The following HCRTR2 variants were observed in gnomAD, a reference collection of about 807,000 sequenced individuals.
The protein encoded by HCRTR2 is orexin receptor type 2.
Under a neutral mutation model 49.0 loss-of-function variants are expected in HCRTR2, and 22 were observed. The ratio of observed to expected loss-of-function variants is 0.45; its 90% confidence interval spans 0.32 to 0.64. The LOEUF is 0.64. Ranked by LOEUF, HCRTR2 falls within the 30% of genes least tolerant of loss-of-function variation. HCRTR2 has a pLI of 0.04. For synonymous variants in HCRTR2, 236 were observed against 205.3 expected (o/e 1.15, Z -1.28); for missense variants, 491 against 559.4 (o/e 0.88, Z 1.23).
chr6:55,220,176 C>G (rs973049432), intron 1 of HCRTR2, among the ~76,000 whole-genome samples: 8 of 152,106 alleles, frequency 5.3e-5, no homozygotes, highest in African/African-American at 1.9e-4. Flanking sequence ...GAGGACGAAG[C>G]ATTTCAAACT....
chr6:55,211,987 A>G (rs868785251), intron 1 of HCRTR2, among the ~76,000 whole-genome samples: 4 of 152,138 alleles, frequency 2.6e-5, no homozygotes, highest in African/African-American at 7.2e-5. Context: ...GGCTTCTCTA[A>G]AAGTGGGCTT....
intron 1 of HCRTR2, among the ~76,000 whole-genome samples, chr6:55,236,217 T>A (rs1028622191): frequency 3.9e-5 from 6 of 151,988 alleles, no homozygotes; most frequent in Admixed American, 3.9e-4. Context: ...TTTCTCATTA[T>A]TTTTTTCCTA....
chr6:55,279,494 G>A (rs1767145634), intron 5 of HCRTR2, among the ~76,000 whole-genome samples: 1 of 142,156 alleles, frequency 7.0e-6, no homozygotes, highest in African/African-American at 2.6e-5. Flanking sequence ...TACCAGAAAT[G>A]CATTGTTGTC....
At chr6:55,243,100 C>A (rs1462313947) in intron 1 of HCRTR2, among the ~76,000 whole-genome samples, 1 of 152,050 alleles carries the variant, frequency 6.6e-6, no homozygotes, top group Non-Finnish European at 1.5e-5. Flanking sequence ...ACCGGTAAGA[C>A]AAATGACAGT....
rs1325605763 is a variant in HCRTR2 at position 55,229,797 on chromosome 6, G to T, written c.224-18842G>T. Among the ~76,000 whole-genome samples, 2 of 152,108 alleles carry T rather than the reference G, an allele frequency of 1.3e-5. 1 individual carries two copies. Among genetic ancestry groups the T allele is most frequent in the Non-Finnish European group, 2.9e-5 (2 of 68,022 alleles). On this transcript the variant is annotated intron_variant, in intron 1 of 6. Transcript: ENST00000370862. ...GTTTGAATTATGAAAAAATGAATAG[G>T]TTCTAGAGATCTGCTGTACAACATT...
intron 4 of HCRTR2, among the ~76,000 whole-genome samples, chr6:55,267,565 T>G (rs1429522396): frequency 6.6e-6 from 1 of 152,164 alleles, no homozygotes; most frequent in Non-Finnish European, 1.5e-5. Flanking sequence ...CAACACTAAA[T>G]CTTAATCGTC....
At chr6:55,108,831 G>T (rs1016339555) in intron 1 of HCRTR2, among the ~76,000 whole-genome samples, 12 of 152,216 alleles carry the variant, frequency 7.9e-5, no homozygotes, top group Non-Finnish European at 4.4e-5. Flanking sequence ...GGGGGGTTGG[G>T]GTGAAGGGAG....
At chr6:55,143,026 C>G (rs1394545731) in intron 1 of HCRTR2, among the ~76,000 whole-genome samples, 1 of 150,204 alleles carries the variant, frequency 6.7e-6, no homozygotes, top group Admixed American at 6.6e-5. Flanking sequence ...ACAGATAGAA[C>G]AGCCTGAATA....
intron 1 of HCRTR2, among the ~76,000 whole-genome samples, chr6:55,200,389 T>C (rs1208224394): frequency 1.3e-5 from 2 of 151,992 alleles, no homozygotes; most frequent in Admixed American, 6.6e-5. Context: ...CTCAGCCTCC[T>C]GAGCAACTGG....
At chr6:55,268,001 T>G (rs981351952) in intron 4 of HCRTR2, among the ~76,000 whole-genome samples, 1 of 152,146 alleles carries the variant, frequency 6.6e-6, no homozygotes, top group African/African-American at 2.4e-5. Context: ...CATAAAATAA[T>G]AGCTATAAAA....
At chr6:55,238,533 A>C (rs1205021926) in intron 1 of HCRTR2, among the ~76,000 whole-genome samples, 1 of 152,144 alleles carries the variant, frequency 6.6e-6, no homozygotes, top group Non-Finnish European at 1.5e-5. Context: ...GACAATATCC[A>C]AATGTTTTAA....
chr6:55,175,671 G>A (rs76665517), intron 1 of HCRTR2, among the ~76,000 whole-genome samples: 1 of 151,906 alleles, frequency 6.6e-6, no homozygotes. Flanking sequence ...GGGTTTCCTC[G>A]ACCCCTCATC....
chr6:55,260,630 G>A (rs1287032309), intron 3 of HCRTR2, among the ~76,000 whole-genome samples: 2 of 152,180 alleles, frequency 1.3e-5, no homozygotes, highest in African/African-American at 4.8e-5. Context: ...GACTGCAGCG[G>A]ATAAAGACAT....
At chr6:55,233,941 A>AT (rs951195509) in intron 1 of HCRTR2, among the ~76,000 whole-genome samples, 14 of 152,268 alleles carry the variant, frequency 9.2e-5, no homozygotes, top group African/African-American at 3.4e-4. Context: ...AGAGACCTGG[A>AT]TTTTTTATCT....
At chr6:55,156,206 A>C (rs1040489303) in intron 1 of HCRTR2, among the ~76,000 whole-genome samples, 2 of 151,904 alleles carry the variant, frequency 1.3e-5, no homozygotes, top group Non-Finnish European at 2.9e-5. Flanking sequence ...AGATGCTGCA[A>C]TGGAGACCAA....
chr6:55,208,572 A>G (rs919890180), intron 1 of HCRTR2, among the ~76,000 whole-genome samples: 1 of 151,996 alleles, frequency 6.6e-6, no homozygotes, highest in Non-Finnish European at 1.5e-5. Context: ...CTGCAAGATT[A>G]TGTCTTTTGA....
chr6:55,233,673 C>A (rs1470887727), intron 1 of HCRTR2, among the ~76,000 whole-genome samples: 1 of 151,756 alleles, frequency 6.6e-6, no homozygotes, highest in Non-Finnish European at 1.5e-5. Context: ...CTAGCCTGGG[C>A]AAAAGAGCAA....
At chr6:55,136,260 G>T (rs1764432000) in intron 1 of HCRTR2, among the ~76,000 whole-genome samples, 1 of 152,140 alleles carries the variant, frequency 6.6e-6, no homozygotes, top group South Asian at 2.1e-4. Flanking sequence ...ACAGCTGGTT[G>T]TCATGGAATT....
intron 6 of HCRTR2, 75 bp downstream of exon 6, chr6:55,280,519 T>C: frequency 6.3e-7 from 1 of 1,589,442 alleles, no homozygotes; most frequent in Non-Finnish European, 8.6e-7. Flanking sequence ...TCTTCAACTA[T>C]ATGAGGAGTT....
Sources: gnomAD v4.1 joint callset for allele counts (sites outside exome capture counted in the v4.1 genomes callset) on GRCh38, gnomAD v4.1.1 for gene constraint, MANE v1.5 for transcripts, NCBI Gene and HGNC (gene_info 2026-07-23, HGNC 2026-07-21) for gene names.